Variants in TENM2 observed in about 807,000 individuals in gnomAD.
TENM2 encodes the protein teneurin-2.
A neutral mutation model predicts 245.2 loss-of-function variants in TENM2; 52 were observed. The ratio of observed to expected loss-of-function variants is 0.21; its 90% CI spans 0.17 to 0.27. The LOEUF (loss-of-function observed/expected upper bound fraction) is 0.27. Among genes scored for constraint, TENM2 ranks in the 10% least tolerant of loss-of-function variants. TENM2 has a pLI of 1.00. For synonymous variants in TENM2, 1,363 were observed against 1,438.9 expected (o/e 0.95, Z 1.19); for missense variants, 3,046 against 3,666.8 (o/e 0.83, Z 4.37).
the TENM2 span, among the ~76,000 whole-genome samples, chr5:166,980,016 TA>T: frequency 6.6e-6 from 1 of 152,198 alleles, no homozygotes; most frequent in Admixed American, 6.5e-5. Flanking sequence ...CTGGCTAAAA[TA>T]TTCAAAATTG....
the TENM2 span, among the ~76,000 whole-genome samples, chr5:167,062,381 G>A: frequency 6.6e-6 from 1 of 151,870 alleles, no homozygotes; most frequent in African/African-American, 2.4e-5. Flanking sequence ...CTGAGTTCAA[G>A]CATAAAAATC....
intron 2 of TENM2, among the ~76,000 whole-genome samples, chr5:167,792,754 T>C (rs1344799376): frequency 1.3e-5 from 2 of 150,342 alleles, no homozygotes; most frequent in East Asian, 3.9e-4. Context: ...AAAAGGTGAC[T>C]CATTTTTACC....
At chr5:168,231,815 G>A (rs1378375401) in intron 25 of TENM2, among the ~76,000 whole-genome samples, 1 of 152,118 alleles carries the variant, frequency 6.6e-6, no homozygotes, top group Non-Finnish European at 1.5e-5. Context: ...GCCGACCATG[G>A]CCTGGCACAG....
chr5:167,084,367 A>ATATATATATATG, the TENM2 span, among the ~76,000 whole-genome samples: 1 of 110,778 alleles, frequency 9.0e-6, no homozygotes, highest in Non-Finnish European at 2.0e-5. Context: ...ATATATATAT[A>ATATATATATATG]CAGATCAGAT....
intron 5 of TENM2, among the ~76,000 whole-genome samples, chr5:167,998,239 A>G (rs1343984342): frequency 2.0e-5 from 3 of 152,168 alleles, no homozygotes; most frequent in Non-Finnish European, 4.4e-5. Flanking sequence ...CTGGAAAATT[A>G]TCACCTGTTT....
At chr5:167,153,310 G>A in the TENM2 span, among the ~76,000 whole-genome samples, 140 of 151,964 alleles carry the variant, frequency 9.2e-4, 1 homozygote, top group Admixed American at 1.6e-3. Context: ...ATTATATACT[G>A]TATTCTTACT....
chr5:167,327,712 G>A (rs1055550256), intron 1 of TENM2, among the ~76,000 whole-genome samples: 1 of 152,150 alleles, frequency 6.6e-6, no homozygotes, highest in Non-Finnish European at 1.5e-5. Context: ...CCAGTATATA[G>A]AGATCCAAGG....
At chr5:167,298,122 G>T (rs1755065291) in intron 1 of TENM2, among the ~76,000 whole-genome samples, 1 of 152,136 alleles carries the variant, frequency 6.6e-6, no homozygotes, top group East Asian at 1.9e-4. Context: ...GGGTGGGATG[G>T]AGAGATAATG....
intron 6 of TENM2, among the ~76,000 whole-genome samples, chr5:168,060,537 T>C (rs1789948696): frequency 6.6e-6 from 1 of 152,228 alleles, no homozygotes; most frequent in Non-Finnish European, 1.5e-5. Flanking sequence ...AGATGAGATG[T>C]GAAGGAGGCT....
chr5:167,376,093 C>T (rs1021764945), intron 2 of TENM2, among the ~76,000 whole-genome samples: 3 of 152,112 alleles, frequency 2.0e-5, no homozygotes, highest in African/African-American at 7.2e-5. Flanking sequence ...ATTGCCTATC[C>T]ATCAGCTTTC....
chr5:167,161,485 A>G, the TENM2 span, among the ~76,000 whole-genome samples: 1 of 152,244 alleles, frequency 6.6e-6, no homozygotes, highest in African/African-American at 2.4e-5. Flanking sequence ...AGTTAAAGAA[A>G]GTTAAACAGA....
chr5:167,227,751 A>C, the TENM2 span, among the ~76,000 whole-genome samples: 1 of 152,168 alleles, frequency 6.6e-6, no homozygotes, highest in South Asian at 2.1e-4. Context: ...TTTGCTTTGT[A>C]TGTATTTAAT....
chr5:167,469,731 A>AT (rs34688844), intron 2 of TENM2, among the ~76,000 whole-genome samples: 38 of 151,056 alleles, frequency 2.5e-4, no homozygotes, highest in Middle Eastern at 3.4e-3. Flanking sequence ...GAAATCCTAG[A>AT]TTTTTTTTTC....
At chr5:167,156,648 A>G in the TENM2 span, among the ~76,000 whole-genome samples, 1 of 152,140 alleles carries the variant, frequency 6.6e-6, no homozygotes, top group Admixed American at 6.5e-5. Context: ...GGGATAGAAA[A>G]GCATAGTAGG....
rs148101406 is a variant in TENM2, at chr5:168,182,281, C to T, written c.2570-8056C>T. ...TCCTCACTTCCAACTTGTCAGCAGGCGTAGGGTAAAATGCAAATGGAACAG... is the reference window on the plus strand; with the variant it reads ...TCCTCACTTCCAACTTGTCAGCAGGTGTAGGGTAAAATGCAAATGGAACAG... On this transcript the variant is annotated intron_variant, in intron 13 of 28. Transcript: ENST00000518659. Among the ~76,000 whole-genome samples, 330 of 152,292 alleles carry T rather than the reference C, an allele frequency of 2.2e-3. 2 individuals carry two copies. Among genetic ancestry groups the T allele is most frequent in the African/African-American group, 7.7e-3 (320 of 41,568 alleles).
At chr5:167,244,927 C>T in the TENM2 span, among the ~76,000 whole-genome samples, 33 of 151,992 alleles carry the variant, frequency 2.2e-4, no homozygotes, top group African/African-American at 7.2e-4. Flanking sequence ...AGATTTATCA[C>T]GGCTTCTTCA....
the TENM2 span, among the ~76,000 whole-genome samples, chr5:167,021,131 C>CA: frequency 7.5e-5 from 10 of 133,462 alleles, no homozygotes; most frequent in African/African-American, 2.5e-4. Flanking sequence ...GACTCTGTCT[C>CA]AAAAAATAAA....
chr5:167,762,358 G>C (rs940194235), intron 2 of TENM2, among the ~76,000 whole-genome samples: 1 of 152,152 alleles, frequency 6.6e-6, no homozygotes, highest in African/African-American at 2.4e-5. Context: ...AAGCATCAAA[G>C]CTTCTTTATC....
At chr5:167,757,335 T>C (rs1351436754) in intron 2 of TENM2, among the ~76,000 whole-genome samples, 1 of 150,212 alleles carries the variant, frequency 6.7e-6, no homozygotes, top group Admixed American at 6.7e-5. Flanking sequence ...AGTGAGAACA[T>C]GCAGTGTTTG....
Sources: allele counts gnomAD v4.1 joint callset (sites outside exome capture counted in the v4.1 genomes callset), GRCh38; gene constraint gnomAD v4.1.1; transcripts MANE v1.5; gene names NCBI Gene and HGNC (gene_info 2026-07-23, HGNC 2026-07-21).